SDK1: variants seen among roughly 807,000 people sequenced by gnomAD.
The protein encoded by SDK1 is sidekick cell adhesion molecule 1.
SDK1 carries 157 observed loss-of-function variants against 245.5 expected under a neutral mutation model. That is an observed-to-expected ratio of 0.64 (90% CI 0.56 to 0.73). The LOEUF is 0.73. Ranked by LOEUF, SDK1 falls within the 30% of genes least tolerant of loss-of-function variation. SDK1 has a pLI of 0.00. For synonymous variants in SDK1, 1,647 were observed against 1,278.5 expected (o/e 1.29, Z -6.15); for missense variants, 3,583 against 3,002.3 (o/e 1.19, Z -4.52).
At position 3,802,367 on chromosome 7, in the gene SDK1, A is replaced by T. The variant is rs539032392; in HGVS notation, c.714-19083A>T. On this transcript the variant is annotated intron_variant, in intron 4 of 44. Coordinates refer to ENST00000404826, the MANE Select transcript of SDK1 (RefSeq NM_152744.4). ...ACCAAGACCTTATTTCTAAAAAAAT[A>T]AAAATAAATAAATAAAAATTAGCCA... Among the ~76,000 whole-genome samples, 199 of 152,214 alleles carry T rather than the reference A, an allele frequency of 1.3e-3. 1 individual carries two copies. Among genetic ancestry groups the T allele is most frequent in the African/African-American group, 4.5e-3 (187 of 41,532 alleles).
rs111289241 is a variant in SDK1 at position 3,744,592 on chromosome 7, A to T, written c.714-76858A>T. On this transcript the variant is annotated intron_variant, in intron 4 of 44. Coordinates refer to ENST00000404826, the MANE Select transcript of SDK1 (RefSeq NM_152744.4). ...TTTGGGAGGCCGAGATGGGCAGATC[A>T]CAAAGTCAGGAGATCGAGACCATCC... is the stretch of plus-strand genomic sequence containing the variant. Among the ~76,000 whole-genome samples the T allele has an allele frequency of 7.6e-3, 1,150 of 152,266 alleles. 13 individuals are homozygous for T. The highest frequency in any genetic ancestry group is 0.026 in the African/African-American group (1,073 of 41,564).
intron 1 of SDK1, among the ~76,000 whole-genome samples, chr7:3,495,565 C>G (rs1781999105): frequency 1.3e-5 from 2 of 152,168 alleles, no homozygotes; most frequent in East Asian, 1.9e-4. Flanking sequence ...GGCTGGAAAA[C>G]TTGGCTCTGA....
At chr7:4,069,853 G>A (rs1354698300) in intron 20 of SDK1, among the ~76,000 whole-genome samples, 1 of 152,216 alleles carries the variant, frequency 6.6e-6, no homozygotes, top group East Asian at 1.9e-4. Flanking sequence ...CCGAGGCCTG[G>A]CGATGACAAG....
intron 4 of SDK1, among the ~76,000 whole-genome samples, chr7:3,668,227 A>C (rs1783595785): frequency 6.6e-6 from 1 of 152,162 alleles, no homozygotes. Context: ...TTTGAGCAGG[A>C]GTGGGAAGGC....
At chr7:3,730,099 T>G (rs999747228) in intron 4 of SDK1, among the ~76,000 whole-genome samples, 2 of 152,134 alleles carry the variant, frequency 1.3e-5, no homozygotes, top group African/African-American at 2.4e-5. Context: ...GAAATATTTG[T>G]CCTCATAGAG....
intron 1 of SDK1, among the ~76,000 whole-genome samples, chr7:3,483,904 C>A (rs1443859198): frequency 6.6e-6 from 1 of 152,054 alleles, no homozygotes; most frequent in Non-Finnish European, 1.5e-5. Flanking sequence ...ACTTGTCTAA[C>A]ATTTTAAAAT....
intron 5 of SDK1, among the ~76,000 whole-genome samples, chr7:3,845,646 T>C (rs1780259702): frequency 6.6e-6 from 1 of 151,280 alleles, no homozygotes; most frequent in South Asian, 2.1e-4. Context: ...TCTTCAGCAG[T>C]GGGCTCCCTT....
At chr7:3,457,310 C>G (rs1431699749) in intron 1 of SDK1, among the ~76,000 whole-genome samples, 1 of 152,122 alleles carries the variant, frequency 6.6e-6, no homozygotes, top group Non-Finnish European at 1.5e-5. Context: ...CTTGGCCTTC[C>G]TAACCAGTTA....
Position 4,017,334 on chromosome 7 carries a change from G to A in SDK1, c.2584G>A (p.Glu862Lys), listed in dbSNP as rs1048895252. Residue 862 changes from glutamate to lysine, a missense_variant, in exon 17 of 45, where the codon GAG becomes AAG. By Grantham distance (56) the Glu-to-Lys change is moderately conservative. Transcript: ENST00000404826. ...GLGVFSRAVT[E>K]YTLQGVPTAP... ...GGGCGTCTTCAGCAGGGCAGTGACC[G>A]AGTACACCTTGCAGGGAGGTAAGCT... 19 of 1,611,494 alleles carry A rather than the reference G, an allele frequency of 1.2e-5. No individual in the cohort carries two copies. The highest frequency in any genetic ancestry group is 1.7e-5 in the Admixed American group (1 of 59,450).
At chr7:3,759,824 C>T (rs184197288) in intron 4 of SDK1, among the ~76,000 whole-genome samples, 1,972 of 152,222 alleles carry the variant, frequency 0.013, 51 homozygotes, top group African/African-American at 0.045. Context: ...AACTCCTGAC[C>T]TCAGGTGATC....
intron 1 of SDK1, among the ~76,000 whole-genome samples, chr7:3,412,843 A>G (rs544768252): frequency 1.3e-5 from 2 of 152,336 alleles, no homozygotes; most frequent in African/African-American, 4.8e-5. Context: ...CCTAATGCAT[A>G]TTATTTTTAA....
At chr7:4,007,424 G>C (rs957174016) in intron 14 of SDK1, among the ~76,000 whole-genome samples, 2 of 152,096 alleles carry the variant, frequency 1.3e-5, no homozygotes, top group African/African-American at 4.8e-5. Context: ...CTCATCTACA[G>C]GAAGCCTCGG....
chr7:3,919,103 A>G (rs778502851), intron 5 of SDK1, among the ~76,000 whole-genome samples: 28 of 152,300 alleles, frequency 1.8e-4, no homozygotes, highest in Admixed American at 5.9e-4. Context: ...ACTATATTCC[A>G]TCTCACATAA....
chr7:4,031,663 T>A (rs1787828691), intron 17 of SDK1, among the ~76,000 whole-genome samples: 1 of 152,158 alleles, frequency 6.6e-6, no homozygotes, highest in Non-Finnish European at 1.5e-5. Context: ...TATAAATATA[T>A]GTAGATATAG....
chr7:4,062,568 A>G (rs75268542), intron 19 of SDK1, among the ~76,000 whole-genome samples: 7,006 of 152,320 alleles, frequency 0.046, 307 homozygotes, highest in African/African-American at 0.11. Context: ...AACTATTCCA[A>G]AAAATTAAAG....
intron 17 of SDK1, among the ~76,000 whole-genome samples, chr7:4,027,977 G>T (rs765596705): frequency 2.0e-5 from 3 of 151,896 alleles, no homozygotes; most frequent in Non-Finnish European, 4.4e-5. Context: ...AGGGGAGGGA[G>T]AGAGGGAAGA....
intron 5 of SDK1, among the ~76,000 whole-genome samples, chr7:3,902,956 A>G (rs1414227030): frequency 6.6e-6 from 1 of 152,214 alleles, no homozygotes; most frequent in Non-Finnish European, 1.5e-5. Context: ...GCCTAATTTT[A>G]AAATGGACAA....
chr7:3,527,352 A>T (rs1161250402), intron 1 of SDK1, among the ~76,000 whole-genome samples: 1 of 152,206 alleles, frequency 6.6e-6, no homozygotes, highest in Admixed American at 6.5e-5. Context: ...ACGAAGCGCG[A>T]TGTGAACGTG....
intron 1 of SDK1, among the ~76,000 whole-genome samples, chr7:3,498,591 C>T (rs1294484752): frequency 2.0e-5 from 3 of 152,116 alleles, no homozygotes; most frequent in African/African-American, 7.2e-5. Flanking sequence ...TTACTTCTTC[C>T]TTTCTTGGTT....
Sources: gnomAD v4.1 joint callset for allele counts (sites outside exome capture counted in the v4.1 genomes callset) on GRCh38, gnomAD v4.1.1 for gene constraint, MANE v1.5 for transcripts, NCBI Gene and HGNC (gene_info 2026-07-23, HGNC 2026-07-21) for gene names.